The following ZNF827 variants were observed in gnomAD, a reference collection of about 807,000 sequenced individuals.
ZNF827 encodes the protein zinc finger protein 827.
A neutral mutation model predicts 102.4 loss-of-function variants in ZNF827; 13 were observed. The observed-to-expected ratio is 0.13, with a 90% CI of 0.08 to 0.20. ZNF827 has a LOEUF of 0.20. Among genes scored for constraint, ZNF827 ranks in the 10% least tolerant of loss-of-function variants. The pLI, the probability that ZNF827 is intolerant of heterozygous loss-of-function variation, is 1.00. For synonymous variants in ZNF827, 523 were observed against 536.2 expected, an observed-to-expected ratio of 0.98 and a Z score of 0.34; for missense variants, 1,103 against 1,344.4, an observed-to-expected ratio of 0.82 and a Z score of 2.81.
intron 1 of ZNF827, among the ~76,000 whole-genome samples, chr4:145,908,074 G>T (rs1025614458): frequency 6.6e-6 from 1 of 151,974 alleles, no homozygotes; most frequent in Admixed American, 6.6e-5. Flanking sequence ...TTCCTTTTTG[G>T]TTTGACAGTT....
chr4:145,901,472 A>G (rs1319711883), intron 2 of ZNF827, among the ~76,000 whole-genome samples: 7 of 152,170 alleles, frequency 4.6e-5, no homozygotes, highest in Admixed American at 4.6e-4. Flanking sequence ...CCACTAGAAA[A>G]ACCTTAGGAT....
intron 5 of ZNF827, among the ~76,000 whole-genome samples, chr4:145,866,585 A>T (rs1470690099): frequency 1.3e-5 from 2 of 152,246 alleles, no homozygotes; most frequent in African/African-American, 4.8e-5. Context: ...TTAAGGTCTA[A>T]TATGAAGTTT....
rs1753391824 is a variant in ZNF827, at chr4:145,925,986, A to T, written c.43+12379T>A. Among the ~76,000 whole-genome samples the T allele has an allele frequency of 2.0e-5, 3 of 152,026 alleles. No homozygotes were observed. In the South Asian group the frequency reaches 6.2e-4, roughly 32 times the overall value. On this transcript the variant is annotated intron_variant, in intron 1 of 14. Coordinates refer to ENST00000508784, the MANE Select transcript of ZNF827 (RefSeq NM_001306215.2). ...TTCTAACTTCTATCCTATTGGTCCTACTCTCTGTTTTCTGATTAGCACTTC... is the reference window on the plus strand; with the variant it reads ...TTCTAACTTCTATCCTATTGGTCCTTCTCTCTGTTTTCTGATTAGCACTTC...
intron 7 of ZNF827, among the ~76,000 whole-genome samples, chr4:145,826,620 TTAG>T (rs906413031): frequency 2.6e-5 from 4 of 152,224 alleles, no homozygotes; most frequent in African/African-American, 9.7e-5. Flanking sequence ...TATTTTATTA[TTAG>T]TTATTGTTGT....
intron 5 of ZNF827, among the ~76,000 whole-genome samples, chr4:145,863,304 G>A (rs972302128): frequency 1.4e-4 from 21 of 152,320 alleles, no homozygotes; most frequent in African/African-American, 4.3e-4. Context: ...TGGTGGGCAC[G>A]TGAAATGGTG....
intron 4 of ZNF827, among the ~76,000 whole-genome samples, chr4:145,871,452 C>G (rs942358768): frequency 2.0e-5 from 3 of 152,148 alleles, no homozygotes; most frequent in Non-Finnish European, 4.4e-5. Flanking sequence ...GGGCTACATA[C>G]TACCCAGGAA....
intron 4 of ZNF827, chr4:145,870,758 A>ATGCCAGGGATACACAG: frequency 3.0e-6 from 1 of 328,522 alleles, no homozygotes; most frequent in Non-Finnish European, 5.6e-6. Context: ...TGGTTTCCCT[A>ATGCCAGGGATACACAG]GAAGTCTTGT....
intron 3 of ZNF827, 58 bp from the exon 4 acceptor site, chr4:145,886,216 C>G: frequency 6.5e-7 from 1 of 1,526,910 alleles, no homozygotes; most frequent in Non-Finnish European, 8.8e-7. Context: ...AAATGCCTTG[C>G]TGTAGATCCA....
At chr4:145,826,125 A>G (rs922000835) in intron 7 of ZNF827, among the ~76,000 whole-genome samples, 1 of 152,212 alleles carries the variant, frequency 6.6e-6, no homozygotes, top group Non-Finnish European at 1.5e-5. Context: ...GCCAGGAGAT[A>G]GCAAGTGTGC....
In ZNF827 at chr4:145,786,857, C is replaced by T. The variant is rs112890026; in HGVS notation, c.2384-7346G>A. On this transcript the variant is annotated intron_variant, in intron 8 of 14. Coordinates refer to ENST00000508784, the MANE Select transcript of ZNF827 (RefSeq NM_001306215.2). ...ATTTCAATTTAGGGTTACTTGCCAA[C>T]ATCTACCGTTTTAGAATTTCCAGCT... Among the ~76,000 whole-genome samples the T allele has an allele frequency of 1.2e-3, 178 of 152,360 alleles. 1 individual carries two copies. The highest frequency in any genetic ancestry group is 4.1e-3 in the African/African-American group (169 of 41,588).
At chr4:145,931,026 T>C (rs1294765816) in intron 1 of ZNF827, among the ~76,000 whole-genome samples, 1 of 152,186 alleles carries the variant, frequency 6.6e-6, no homozygotes, top group East Asian at 1.9e-4. Context: ...ACAGGAGTCA[T>C]CAGAGAGGCC....
chr4:145,823,433 A>C lies in ZNF827; in HGVS notation c.2372T>G (p.Ile791Arg), dbSNP rs143680797. 1.4e-4 allele frequency: 231 copies of C among 1,601,704 alleles called. No individual in the cohort carries two copies. Among genetic ancestry groups the C allele is most frequent in the Non-Finnish European group, 1.8e-4 (206 of 1,172,808 alleles). ...CAATGTTTCCATACCTGGAGCTGAT[A>C]TTCTTCCGTGCAGCACGGAGTCACT... ...LPSDSVLHGR[I>R]SAPETEKIVL... The change falls in exon 8 of 15, where the codon ATA becomes AGA. Residue 791 changes from isoleucine to arginine, a missense_variant. Ile to Arg is a moderately conservative substitution (Grantham distance 97, BLOSUM62 -3). Around this residue, in one of 5 missense-constraint regions of ZNF827, gnomAD observed 243 missense variants for 251.6 expected, o/e 0.97. Transcript: ENST00000508784.
intron 11 of ZNF827, among the ~76,000 whole-genome samples, chr4:145,769,472 C>G (rs1735916687): frequency 6.6e-6 from 1 of 152,188 alleles, no homozygotes; most frequent in Admixed American, 6.5e-5. Context: ...ACTACCATCT[C>G]TAAACATAGA....
chr4:145,897,642 T>C (rs770339868), intron 2 of ZNF827, among the ~76,000 whole-genome samples: 6 of 152,362 alleles, frequency 3.9e-5, no homozygotes, highest in African/African-American at 7.2e-5. Context: ...AGGTTAGCAA[T>C]GGATGTCCCT....
Position 145,779,400 on chromosome 4 carries a change from A to G in ZNF827, c.2495T>C (p.Leu832Ser). The change falls in exon 9 of 15, where the codon TTG becomes TCG. Residue 832 changes from leucine to serine, a missense_variant. Physicochemically the swap from Leu to Ser is moderately radical, Grantham distance 145. Transcript: ENST00000508784. Reference sequence around the variant, plus strand: ...TGTGTGCAGCGAGAGGTGTCGGGACAATGTCTGCTGTCGGCCAAACACTTT... The same window carrying G: ...TGTGTGCAGCGAGAGGTGTCGGGACGATGTCTGCTGTCGGCCAAACACTTT... ...CGKVFGRQQT[L>S]SRHLSLHTEE... The G allele has an allele frequency of 1.9e-6, 3 of 1,614,182 alleles. No individual in the cohort carries two copies. The highest frequency in any genetic ancestry group is 2.5e-6 in the Non-Finnish European group (3 of 1,180,018).
intron 8 of ZNF827, among the ~76,000 whole-genome samples, chr4:145,808,718 C>G (rs1741734571): frequency 6.6e-6 from 1 of 152,232 alleles, no homozygotes; most frequent in African/African-American, 2.4e-5. Context: ...CCAACATTTT[C>G]ATTGAAAATA....
At chr4:145,791,065 C>T (rs1270386755) in intron 8 of ZNF827, among the ~76,000 whole-genome samples, 1 of 152,180 alleles carries the variant, frequency 6.6e-6, no homozygotes, top group Non-Finnish European at 1.5e-5. Context: ...ATCACAGACA[C>T]AGGACTGGGA....
intron 7 of ZNF827, among the ~76,000 whole-genome samples, chr4:145,838,180 T>C (rs2126597087): frequency 6.6e-6 from 1 of 152,272 alleles, no homozygotes; most frequent in African/African-American, 2.4e-5. Context: ...CCTTAACTGA[T>C]GACATTCCAC....
At position 145,765,368 on chromosome 4, in the gene ZNF827, C is replaced by T. The variant is rs908045138; in HGVS notation, c.3052+179G>A. 3.3e-5 allele frequency among the ~76,000 whole-genome samples: 5 copies of T among 152,180 alleles called. No individual in the cohort carries two copies. The highest frequency in any genetic ancestry group is 1.2e-4 in the African/African-American group (5 of 41,424). ...ATCAATGTCACCCTCCCCATCCTTCCACCCCATACTCGGATTCAAATTAAG... is the reference window on the plus strand; with the variant it reads ...ATCAATGTCACCCTCCCCATCCTTCTACCCCATACTCGGATTCAAATTAAG... On this transcript the variant is annotated intron_variant, in intron 12 of 14. Coordinates refer to ENST00000508784, the MANE Select transcript of ZNF827 (RefSeq NM_001306215.2). The surrounding 1 kb of genome is among the most constrained non-coding windows in gnomAD (Gnocchi z 4.7).
Sources: allele counts gnomAD v4.1 joint callset (sites outside exome capture counted in the v4.1 genomes callset), GRCh38; gene constraint gnomAD v4.1.1; regional missense constraint gnomAD v4.1.1; non-coding constraint Gnocchi (gnomAD v3.1); transcripts MANE v1.5; gene names NCBI Gene and HGNC (gene_info 2026-07-23, HGNC 2026-07-21).